GRID1: variants seen among roughly 807,000 people sequenced by gnomAD.
The protein encoded by GRID1 is glutamate ionotropic receptor delta type subunit 1.
GRID1 carries 28 observed loss-of-function variants against 98.0 expected under a neutral mutation model. The observed-to-expected ratio is 0.29, with a 90% CI of 0.21 to 0.39. The LOEUF (loss-of-function observed/expected upper bound fraction) is 0.39, where lower values mean the gene tolerates loss of function less well. Ranked by LOEUF, GRID1 falls within the 10% of genes least tolerant of loss-of-function variation. GRID1 has a pLI of 1.00. For missense variants in GRID1, 1,111 were observed against 1,340.5 expected (o/e 0.83, Z 2.67); for synonymous variants, 553 against 538.5 (o/e 1.03, Z -0.37).
chr10:85,905,047 A>G (rs923688384), intron 5 of GRID1, among the ~76,000 whole-genome samples: 2 of 152,134 alleles, frequency 1.3e-5, no homozygotes, highest in African/African-American at 4.8e-5. Flanking sequence ...ACACAAAAAT[A>G]AAAACAAGAA....
intron 4 of GRID1, among the ~76,000 whole-genome samples, chr10:86,108,330 C>T (rs1014673108): frequency 6.6e-6 from 1 of 152,168 alleles, no homozygotes; most frequent in Admixed American, 6.5e-5. Flanking sequence ...TAACAAAACC[C>T]TACCTTGTGG....
At chr10:85,833,900 A>C (rs1478979672) in intron 8 of GRID1, among the ~76,000 whole-genome samples, 3 of 152,226 alleles carry the variant, frequency 2.0e-5, no homozygotes, top group African/African-American at 7.2e-5. Context: ...AGCAAACTGG[A>C]GAACAGATGA....
intron 2 of GRID1, among the ~76,000 whole-genome samples, chr10:86,352,202 G>A (rs1848473213): frequency 6.6e-6 from 1 of 152,224 alleles, no homozygotes; most frequent in Admixed American, 6.5e-5. Flanking sequence ...GAGGTACATG[G>A]ATCTTCAGCT....
At chr10:85,940,985 T>TG (rs755898868) in intron 4 of GRID1, among the ~76,000 whole-genome samples, 14 of 152,314 alleles carry the variant, frequency 9.2e-5, no homozygotes, top group East Asian at 1.9e-4. Flanking sequence ...CCATTCTGCT[T>TG]GGGGAAGGCC....
At chr10:86,035,178 G>A (rs1843243047) in intron 4 of GRID1, among the ~76,000 whole-genome samples, 1 of 152,142 alleles carries the variant, frequency 6.6e-6, no homozygotes, top group East Asian at 1.9e-4. Context: ...GTTCTAATAG[G>A]CCTGTTATCC....
At chr10:86,000,075 C>G (rs1395633124) in intron 4 of GRID1, among the ~76,000 whole-genome samples, 1 of 152,080 alleles carries the variant, frequency 6.6e-6, no homozygotes, top group Non-Finnish European at 1.5e-5. Context: ...TATAGAAAAC[C>G]TCAATTAACT....
At chr10:85,851,167 C>T (rs1303716540) in intron 8 of GRID1, among the ~76,000 whole-genome samples, 1 of 152,046 alleles carries the variant, frequency 6.6e-6, no homozygotes, top group Non-Finnish European at 1.5e-5. Context: ...AGTTCTGAGC[C>T]CTGAAAAAAA....
intron 12 of GRID1, among the ~76,000 whole-genome samples, chr10:85,722,054 C>T (rs1234077164): frequency 6.6e-6 from 1 of 152,082 alleles, no homozygotes; most frequent in Non-Finnish European, 1.5e-5. Context: ...ATAAAAATGT[C>T]AATTTAATAA....
chr10:86,203,725 C>T (rs188144411), intron 3 of GRID1, among the ~76,000 whole-genome samples: 1 of 151,768 alleles, frequency 6.6e-6, no homozygotes, highest in African/African-American at 2.4e-5. Context: ...ACCACTCTGA[C>T]GCTGTCTTCT....
intron 2 of GRID1, among the ~76,000 whole-genome samples, chr10:86,337,190 C>CA (rs1336517489): frequency 2.0e-5 from 3 of 152,118 alleles, no homozygotes; most frequent in Non-Finnish European, 4.4e-5. Context: ...CATCGAACAA[C>CA]ACTAACCACA....
At chr10:86,326,688 G>A (rs561919166) in intron 2 of GRID1, among the ~76,000 whole-genome samples, 2 of 152,214 alleles carry the variant, frequency 1.3e-5, no homozygotes, top group Non-Finnish European at 2.9e-5. Context: ...TAATCAGGGA[G>A]CTGAAGTCCC....
At chr10:86,260,683 A>G (rs1847002614) in intron 2 of GRID1, among the ~76,000 whole-genome samples, 1 of 152,172 alleles carries the variant, frequency 6.6e-6, no homozygotes, top group Non-Finnish European at 1.5e-5. Context: ...CAGAAAATGG[A>G]AAATCCTCGC....
intron 4 of GRID1, among the ~76,000 whole-genome samples, chr10:86,071,420 G>T (rs1843802367): frequency 6.6e-6 from 1 of 152,190 alleles, no homozygotes; most frequent in African/African-American, 2.4e-5. Flanking sequence ...CTGGGTCTCT[G>T]GTCCATCATC....
chr10:86,097,098 T>C (rs1272127192), intron 4 of GRID1, among the ~76,000 whole-genome samples: 1 of 152,214 alleles, frequency 6.6e-6, no homozygotes. Flanking sequence ...GCCTTTGGCC[T>C]TAAAGTGTGA....
At chr10:85,779,107 T>A (rs1564588255) in intron 8 of GRID1, among the ~76,000 whole-genome samples, 1 of 152,252 alleles carries the variant, frequency 6.6e-6, no homozygotes, top group Non-Finnish European at 1.5e-5. Context: ...ATGCTGTTCA[T>A]GCAACCAAGC....
At chr10:85,621,277 C>G (rs958297440) in intron 13 of GRID1, among the ~76,000 whole-genome samples, 2 of 152,132 alleles carry the variant, frequency 1.3e-5, no homozygotes, top group East Asian at 3.8e-4. Flanking sequence ...TCATTATGGG[C>G]TTAGTGACAG....
chr10:85,880,513 G>C (rs1360389385), intron 5 of GRID1, among the ~76,000 whole-genome samples: 1 of 152,058 alleles, frequency 6.6e-6, no homozygotes, highest in Non-Finnish European at 1.5e-5. Flanking sequence ...CAGAACCAAA[G>C]ACAAAAACCA....
intron 5 of GRID1, among the ~76,000 whole-genome samples, chr10:85,889,878 T>C (rs1029815301): frequency 6.6e-6 from 1 of 152,196 alleles, no homozygotes; most frequent in Non-Finnish European, 1.5e-5. Context: ...GTCATTTTGA[T>C]AATGAGTGAG....
At chr10:86,000,301 A>G (rs922115891) in intron 4 of GRID1, among the ~76,000 whole-genome samples, 2 of 152,228 alleles carry the variant, frequency 1.3e-5, no homozygotes, top group Admixed American at 6.5e-5. Context: ...AATCAAAGAC[A>G]TAAGTAAATG....
Sources: allele counts gnomAD v4.1 joint callset (sites outside exome capture counted in the v4.1 genomes callset), GRCh38; gene constraint gnomAD v4.1.1; transcripts MANE v1.5; gene names NCBI Gene and HGNC (gene_info 2026-07-23, HGNC 2026-07-21).